The following LARGE1 variants were observed in gnomAD, a reference collection of about 807,000 sequenced individuals.
LARGE1 encodes the protein LARGE xylosyl- and glucuronyltransferase 1.
A neutral mutation model predicts 87.6 loss-of-function variants in LARGE1; 43 were observed. That is an observed-to-expected ratio of 0.49 (90% CI 0.38 to 0.63). The LOEUF is 0.63. LARGE1 is among the 30% of genes least tolerant of loss of function. LARGE1 has a pLI of 0.00. For missense variants in LARGE1, 802 were observed against 1,000.2 expected, an observed-to-expected ratio of 0.80 and a Z score of 2.67; for synonymous variants, 434 against 394.6, an observed-to-expected ratio of 1.10 and a Z score of -1.18.
chr22:33,770,122 G>A (rs1251231884), intron 1 of LARGE1, among the ~76,000 whole-genome samples: 2 of 152,170 alleles, frequency 1.3e-5, no homozygotes, highest in Non-Finnish European at 2.9e-5. Context: ...CATTAGCAAG[G>A]TAGAATGTCA....
At chr22:33,712,026 C>T (rs1283401709) in intron 2 of LARGE1, among the ~76,000 whole-genome samples, 1 of 152,096 alleles carries the variant, frequency 6.6e-6, no homozygotes, top group Non-Finnish European at 1.5e-5. Context: ...TAAGAGCTAA[C>T]GTGTGCTGCA....
intron 13 of LARGE1, among the ~76,000 whole-genome samples, chr22:33,281,466 G>A (rs1340609459): frequency 1.3e-5 from 2 of 152,030 alleles, no homozygotes; most frequent in Non-Finnish European, 2.9e-5. Flanking sequence ...CTCAGACCTG[G>A]TACGAATCCA....
rs772725575 is a variant in LARGE1, at chr22:33,277,066, A to G, written c.2067T>C (p.Asp689=). The G allele has an allele frequency of 1.2e-6, 2 of 1,614,086 alleles. No individual in the cohort carries two copies. The highest frequency in any genetic ancestry group is 2.2e-5 in the South Asian group (2 of 91,082). The part of the protein sequence containing the change: ...WNKVAHIMEL[D]VQEYEFIVLP... ...GATGCTCCGTTCTTCTCACCTGCACATCCAGCTCCATGATATGAGCCACTT... is the reference window on the plus strand; with the variant it reads ...GATGCTCCGTTCTTCTCACCTGCACGTCCAGCTCCATGATATGAGCCACTT... Residue 689 remains aspartate, a synonymous_variant, in exon 14 of 15, where the codon GAT becomes GAC. Transcript: ENST00000397394.
At chr22:33,903,650 C>A (rs1487985159) in intron 1 of LARGE1, among the ~76,000 whole-genome samples, 1 of 151,962 alleles carries the variant, frequency 6.6e-6, no homozygotes, top group African/African-American at 2.4e-5. Flanking sequence ...CATGGTGAAA[C>A]CCTGTCTCTA....
In LARGE1 at chr22:33,907,471, T is replaced by C. The variant is rs2146939134; in HGVS notation, c.-83+12524A>G. Among the ~76,000 whole-genome samples, 2 of 152,202 alleles carry C rather than the reference T, an allele frequency of 1.3e-5. 1 individual carries two copies. Among genetic ancestry groups the C allele is most frequent in the Middle Eastern group, 6.3e-3 (2 of 316 alleles). On this transcript the variant is annotated intron_variant, in intron 1 of 14. Coordinates refer to ENST00000397394, the MANE Select transcript of LARGE1 (RefSeq NM_133642.5). The stretch of plus-strand genomic sequence containing the variant: ...TGCATCTGGCTCTTTAAATGGGGAA[T>C]ACTATTAAACATAAAAGGTACAAGG...
intron 2 of LARGE1, among the ~76,000 whole-genome samples, chr22:33,687,923 A>G (rs1158578733): frequency 6.6e-6 from 1 of 152,172 alleles, no homozygotes; most frequent in Non-Finnish European, 1.5e-5. Flanking sequence ...TGTCATACCT[A>G]CAGAGAACTT....
chr22:33,802,988 T>C (rs759612478), intron 1 of LARGE1, among the ~76,000 whole-genome samples: 5 of 152,054 alleles, frequency 3.3e-5, no homozygotes, highest in African/African-American at 9.7e-5. Flanking sequence ...AGACAGACAA[T>C]TGGATGGACA....
intron 1 of LARGE1, among the ~76,000 whole-genome samples, chr22:33,899,116 T>G (rs747239175): frequency 2.1e-4 from 32 of 152,158 alleles, no homozygotes; most frequent in Non-Finnish European, 4.3e-4. Flanking sequence ...AATCTCGCCA[T>G]GAAAAGAACA....
At chr22:33,359,757 G>T (rs537556660) in intron 9 of LARGE1, among the ~76,000 whole-genome samples, 1 of 148,380 alleles carries the variant, frequency 6.7e-6, no homozygotes, top group East Asian at 2.0e-4. Flanking sequence ...GTAGAGATGG[G>T]GTTTCACTGT....
chr22:33,893,523 G>A (rs998654228), intron 1 of LARGE1, among the ~76,000 whole-genome samples: 2 of 152,142 alleles, frequency 1.3e-5, no homozygotes, highest in Admixed American at 6.5e-5. Context: ...GATGCTATAG[G>A]AAAAAACAGA....
At chr22:33,563,351 C>T (rs1197746388) in intron 6 of LARGE1, 1 of 152,256 alleles carries the variant, frequency 6.6e-6, no homozygotes, top group African/African-American at 2.4e-5. Context: ...TGACAACTCT[C>T]ACTGTCCCCT....
At chr22:33,872,312 T>A (rs1475284289) in intron 1 of LARGE1, among the ~76,000 whole-genome samples, 7 of 151,394 alleles carry the variant, frequency 4.6e-5, no homozygotes, top group Admixed American at 4.6e-4. Flanking sequence ...GTACCAGAAG[T>A]GCTGAGAACC....
At chr22:33,445,685 T>A (rs1378257502) in intron 6 of LARGE1, among the ~76,000 whole-genome samples, 1 of 150,336 alleles carries the variant, frequency 6.7e-6, no homozygotes, top group African/African-American at 2.5e-5. Flanking sequence ...GTTTCACTTT[T>A]GTCACCCAGG....
chr22:33,115,789 C>T, the LARGE1 span, among the ~76,000 whole-genome samples: 5 of 146,546 alleles, frequency 3.4e-5, no homozygotes, highest in African/African-American at 1.3e-4. Flanking sequence ...TGCACTCCAG[C>T]CTGGCAACAG....
At chr22:33,845,263 G>A (rs2063396325) in intron 1 of LARGE1, among the ~76,000 whole-genome samples, 1 of 152,094 alleles carries the variant, frequency 6.6e-6, no homozygotes, top group African/African-American at 2.4e-5. Flanking sequence ...ACATCAAGTT[G>A]AAAAATTCCA....
intron 1 of LARGE1, among the ~76,000 whole-genome samples, chr22:33,865,245 C>A (rs1017330674): frequency 2.0e-5 from 3 of 152,200 alleles, no homozygotes; most frequent in Non-Finnish European, 4.4e-5. Context: ...TGCCACTATA[C>A]CCATGAGCTG....
intron 11 of LARGE1, among the ~76,000 whole-genome samples, chr22:33,250,863 A>G (rs1448224925): frequency 1.3e-5 from 2 of 152,212 alleles, no homozygotes; most frequent in South Asian, 2.1e-4. Flanking sequence ...TTGATGGTGT[A>G]CAATTCTTTT....
At chr22:33,346,563 A>T (rs1449814455) in intron 9 of LARGE1, among the ~76,000 whole-genome samples, 1 of 152,088 alleles carries the variant, frequency 6.6e-6, no homozygotes, top group Non-Finnish European at 1.5e-5. Flanking sequence ...TCGGCCTCCT[A>T]AAGTGCTGGG....
intron 6 of LARGE1, among the ~76,000 whole-genome samples, chr22:33,476,241 T>G (rs1308252363): frequency 2.0e-5 from 3 of 152,230 alleles, no homozygotes; most frequent in Admixed American, 2.0e-4. Flanking sequence ...CTGGATTGCT[T>G]CCTCTGCCCT....
Sources: allele counts gnomAD v4.1 joint callset (sites outside exome capture counted in the v4.1 genomes callset), GRCh38; gene constraint gnomAD v4.1.1; transcripts MANE v1.5; gene names NCBI Gene and HGNC (gene_info 2026-07-23, HGNC 2026-07-21).